Variants in OR11A1 observed in about 807,000 individuals in gnomAD.
OR11A1 encodes olfactory receptor 11A1.
For synonymous variants in OR11A1, 158 were observed against 152.2 expected (o/e 1.04, Z -0.28); for missense variants, 380 against 378.2 (o/e 1.00, Z -0.04).
Position 29,427,452 on chromosome 6 carries a change from A to T in OR11A1, c.190T>A (p.Phe64Ile). The T allele has an allele frequency of 6.2e-7, 1 of 1,613,100 alleles. No individual in the cohort carries two copies. Among genetic ancestry groups the T allele is most frequent in the South Asian group, 1.1e-5 (1 of 91,082 alleles). Residue 64 changes from phenylalanine (F) to isoleucine (I), a missense_variant, in exon 5 of 5, where the codon TTC becomes ATC. Coordinates refer to ENST00000377149, the MANE Select transcript of OR11A1 (RefSeq NM_001394828.1). ...TCCAGGAAGGACAGATTCGCCAAGAAAATATACATGGGTTTGTGGAGCCTC... is the reference window on the plus strand; with the variant it reads ...TCCAGGAAGGACAGATTCGCCAAGATAATATACATGGGTTTGTGGAGCCTC... Reference protein sequence around the residue: ...SQRLHKPMYIFLANLSFLDIL... With the variant: ...SQRLHKPMYIILANLSFLDIL...
rs148558936 is a variant in OR11A1, at chr6:29,446,595, T to C, written c.-389+10392A>G. Among the ~76,000 whole-genome samples the C allele has an allele frequency of 1.4e-3, 210 of 152,300 alleles. 5 individuals are homozygous for C. The East Asian group carries it at 0.021, about 15-fold the overall frequency. On this transcript the variant is annotated intron_variant, in intron 1 of 4. Coordinates refer to ENST00000377149, the MANE Select transcript of OR11A1 (RefSeq NM_001394828.1). Reference sequence around the variant, plus strand: ...GATATATTTATTCACCACATATGTATGGATATAGTTAGAGAAACAAGCCTC... The same window carrying C: ...GATATATTTATTCACCACATATGTACGGATATAGTTAGAGAAACAAGCCTC...
intron 4 of OR11A1, among the ~76,000 whole-genome samples, chr6:29,428,007 C>T (rs1782970819): frequency 2.0e-5 from 3 of 152,174 alleles, no homozygotes. Flanking sequence ...GCCATAGCCT[C>T]CTTCTTGTGC....
chr6:29,445,828 G>T (rs1222289337), intron 1 of OR11A1, among the ~76,000 whole-genome samples: 2 of 152,176 alleles, frequency 1.3e-5, no homozygotes, highest in Non-Finnish European at 2.9e-5. Flanking sequence ...TGCCTCTCTA[G>T]GTTGTGTGCC....
At chr6:29,442,329 C>A (rs1784278090) in intron 1 of OR11A1, among the ~76,000 whole-genome samples, 1 of 152,126 alleles carries the variant, frequency 6.6e-6, no homozygotes, top group Non-Finnish European at 1.5e-5. Flanking sequence ...GCAGGAGAGT[C>A]AGTGAACTGC....
rs1456103504 is a variant in OR11A1 at position 29,439,013 on chromosome 6, C to A, written c.-388-7026G>T. On this transcript the variant is annotated intron_variant, in intron 1 of 4. Transcript: ENST00000377149. ...GTGGACTTGTATTTCTAATACACAA[C>A]CTTGAATATGGCTGGAATATTGAAT... 3.3e-5 allele frequency among the ~76,000 whole-genome samples: 5 copies of A among 152,218 alleles called. No individual in the cohort carries two copies. The East Asian group carries it at 9.6e-4, about 29-fold the overall frequency.
At chr6:29,433,708 C>G (rs1783419687) in intron 1 of OR11A1, among the ~76,000 whole-genome samples, 1 of 151,822 alleles carries the variant, frequency 6.6e-6, no homozygotes, top group Non-Finnish European at 1.5e-5. Flanking sequence ...CTGGGTCATA[C>G]AACGGTTCTA....
intron 1 of OR11A1, chr6:29,439,735 C>T (rs1783943740): frequency 2.1e-6 from 1 of 476,718 alleles, no homozygotes; most frequent in Non-Finnish European, 3.7e-6. Flanking sequence ...GACAGTTTAA[C>T]ATGTTCTTTA....
At chr6:29,440,831 G>A (rs1784114114) in intron 1 of OR11A1, 1 of 1,613,702 alleles carries the variant, frequency 6.2e-7, no homozygotes, top group African/African-American at 1.3e-5. Flanking sequence ...CTGACCCTCT[G>A]GTGTCCCTCT....
At chr6:29,444,112 T>C (rs570228900) in intron 1 of OR11A1, among the ~76,000 whole-genome samples, 2 of 152,250 alleles carry the variant, frequency 1.3e-5, no homozygotes, top group East Asian at 3.9e-4. Flanking sequence ...TGAGAGATGA[T>C]TGAATTATGG....
chr6:29,455,874 C>CAAAAA (rs9256960), intron 1 of OR11A1, among the ~76,000 whole-genome samples: 11 of 80,984 alleles, frequency 1.4e-4, no homozygotes, highest in African/African-American at 4.2e-4. Context: ...AGACTTGTCT[C>CAAAAA]AAAAAAAAAA....
chr6:29,428,143 T>C (rs773297332), intron 4 of OR11A1: 3 of 668,494 alleles, frequency 4.5e-6, no homozygotes, highest in Non-Finnish European at 5.6e-6. Flanking sequence ...ATCCCCATGG[T>C]CACTATCTCA....
At chr6:29,434,403 C>A (rs1783479769) in intron 1 of OR11A1, among the ~76,000 whole-genome samples, 1 of 152,164 alleles carries the variant, frequency 6.6e-6, no homozygotes, top group African/African-American at 2.4e-5. Flanking sequence ...TTTCCAACAT[C>A]ATTTATTAAA....
At chr6:29,440,686 T>C (rs779916927) in intron 1 of OR11A1, 3 of 1,614,170 alleles carry the variant, frequency 1.9e-6, no homozygotes, top group East Asian at 2.2e-5. Context: ...CTCGTTACCA[T>C]CTTCCGGATC....
intron 1 of OR11A1, among the ~76,000 whole-genome samples, chr6:29,448,347 C>T (rs1784997747): frequency 6.6e-6 from 1 of 152,158 alleles, no homozygotes; most frequent in Non-Finnish European, 1.5e-5. Context: ...GAAGATGGCA[C>T]ATGGAGACCA....
chr6:29,447,413 T>C (rs1450624860), intron 1 of OR11A1, among the ~76,000 whole-genome samples: 2 of 152,230 alleles, frequency 1.3e-5, no homozygotes, highest in Admixed American at 1.3e-4. Flanking sequence ...AATAGTCAAT[T>C]TGAAAAATGG....
At chr6:29,443,552 C>T (rs568012830) in intron 1 of OR11A1, among the ~76,000 whole-genome samples, 32 of 152,124 alleles carry the variant, frequency 2.1e-4, no homozygotes, top group African/African-American at 7.2e-4. Context: ...TATTTATTCA[C>T]CTGCTAAAGG....
intron 1 of OR11A1, among the ~76,000 whole-genome samples, chr6:29,443,841 T>C (rs185137346): frequency 3.3e-5 from 5 of 152,330 alleles, no homozygotes; most frequent in Non-Finnish European, 5.9e-5. Flanking sequence ...CTGGTCTCAC[T>C]TGCTGTTGTT....
chr6:29,428,301 T>C, intron 4 of OR11A1: 1 of 985,302 alleles, frequency 1.0e-6, no homozygotes, highest in Non-Finnish European at 1.2e-6. Flanking sequence ...GAGTTGGTAG[T>C]GAAAATGTGG....
chr6:29,447,528 G>T (rs1784889712), intron 1 of OR11A1, among the ~76,000 whole-genome samples: 1 of 152,180 alleles, frequency 6.6e-6, no homozygotes. Flanking sequence ...GACTCTTCTG[G>T]CTGGAGCACT....
Sources: allele counts gnomAD v4.1 joint callset (sites outside exome capture counted in the v4.1 genomes callset), GRCh38; gene constraint gnomAD v4.1.1; transcripts MANE v1.5; gene names NCBI Gene and HGNC (gene_info 2026-07-23, HGNC 2026-07-21).